PTPN14: variants seen among roughly 807,000 people sequenced by gnomAD.
PTPN14 encodes the protein tyrosine-protein phosphatase non-receptor type 14.
Under a neutral mutation model 126.8 loss-of-function variants are expected in PTPN14, and 53 were observed. The ratio of observed to expected loss-of-function variants is 0.42; its 90% CI spans 0.34 to 0.53. PTPN14 has a LOEUF of 0.53. Among genes scored for constraint, PTPN14 ranks in the 20% least tolerant of loss-of-function variants. The pLI, the probability that PTPN14 is intolerant of heterozygous loss-of-function variation, is 0.08. For missense variants in PTPN14, 1,257 were observed against 1,552.9 expected (o/e 0.81, Z 3.20); for synonymous variants, 630 against 599.3 (o/e 1.05, Z -0.75).
chr1:214,489,501 C>A (rs1266584454), intron 1 of PTPN14, among the ~76,000 whole-genome samples: 1 of 152,148 alleles, frequency 6.6e-6, no homozygotes, highest in Non-Finnish European at 1.5e-5. Flanking sequence ...CCAGTCAACT[C>A]CTATTTGTCT....
chr1:214,450,300 C>T (rs1660245514), intron 3 of PTPN14, among the ~76,000 whole-genome samples: 1 of 151,362 alleles, frequency 6.6e-6, no homozygotes, highest in Non-Finnish European at 1.5e-5. Flanking sequence ...GGTGAAACCC[C>T]GTCTCTACCA....
At chr1:214,396,929 G>A (rs991009058) in intron 8 of PTPN14, among the ~76,000 whole-genome samples, 2 of 152,152 alleles carry the variant, frequency 1.3e-5, no homozygotes, top group African/African-American at 4.8e-5. Context: ...ATACTTTGTG[G>A]CAGATATATG....
intron 1 of PTPN14, among the ~76,000 whole-genome samples, chr1:214,517,488 A>T (rs79095698): frequency 3.9e-5 from 3 of 77,684 alleles, no homozygotes; most frequent in African/African-American, 2.4e-4. Flanking sequence ...GCATAATATT[A>T]AAAAAAAAAA....
rs777351477 is a variant in PTPN14 at position 214,464,704 on chromosome 1, C to T, written c.100G>A (p.Glu34Lys). ...RIRLLDSNVI[E>K]CTLSVESTGQ... is the part of the protein sequence containing the mutation. ...GTGCTTTCCACCGACAGCGTGCACT[C>T]GATAACATTGCTGTCCAGCAGGCGA... is the stretch of plus-strand genomic sequence containing the variant. Residue 34 changes from glutamate to lysine, a missense_variant, in exon 2 of 19, where the codon GAG becomes AAG. Physicochemically the swap from Glu to Lys is moderately conservative, Grantham distance 56 (BLOSUM62 1). Around this residue, in one of 3 missense-constraint regions of PTPN14, gnomAD observed 1,021 missense variants for 1,183.3 expected, o/e 0.86. Coordinates refer to ENST00000366956, the MANE Select transcript of PTPN14 (RefSeq NM_005401.5). The T allele has an allele frequency of 2.9e-5, 47 of 1,614,158 alleles. No homozygotes were observed. Among genetic ancestry groups the T allele is most frequent in the Admixed American group, 2.8e-4 (17 of 60,014 alleles).
At chr1:214,457,576 T>G (rs1021591394) in intron 2 of PTPN14, among the ~76,000 whole-genome samples, 1 of 152,174 alleles carries the variant, frequency 6.6e-6, no homozygotes, top group Non-Finnish European at 1.5e-5. Flanking sequence ...TTAGGATGCT[T>G]ATACTCACTA....
intron 3 of PTPN14, among the ~76,000 whole-genome samples, chr1:214,437,322 G>A (rs1317537578): frequency 6.6e-6 from 1 of 151,986 alleles, no homozygotes; most frequent in African/African-American, 2.4e-5. Flanking sequence ...AATTCAATCT[G>A]TAACTTCAAA....
chr1:214,486,006 G>A (rs534434136), intron 1 of PTPN14, among the ~76,000 whole-genome samples: 5 of 152,246 alleles, frequency 3.3e-5, no homozygotes, highest in South Asian at 2.1e-4. Context: ...GATTACAGGC[G>A]TGAGCCACCG....
At position 214,382,357 on chromosome 1, in the gene PTPN14, T is replaced by C. The variant is rs748305704; in HGVS notation, c.2544+954A>G. Among the ~76,000 whole-genome samples the C allele has an allele frequency of 4.3e-4, 65 of 152,224 alleles. 1 individual carries two copies. The highest frequency in any genetic ancestry group is 1.0e-4 in the Non-Finnish European group (7 of 68,040). ...TTTTTAAAGCGATGAGGTTTAGTCC[T>C]GTCATCCAGGCTGGAGTGCAGTGGC... On this transcript the variant is annotated intron_variant, in intron 13 of 18. Transcript: ENST00000366956.
At chr1:214,443,939 G>A (rs17022962) in intron 3 of PTPN14, among the ~76,000 whole-genome samples, 5,252 of 152,244 alleles carry the variant, frequency 0.034, 288 homozygotes, top group African/African-American at 0.12. Context: ...TCAAATACAC[G>A]GAAATGAAAT....
intron 13 of PTPN14, among the ~76,000 whole-genome samples, chr1:214,382,468 C>T (rs1658496821): frequency 6.6e-6 from 1 of 152,122 alleles, no homozygotes; most frequent in South Asian, 2.1e-4. Flanking sequence ...ACTACAGGCT[C>T]CTGCCATCAT....
chr1:214,371,273 C>T (rs1658211991), intron 16 of PTPN14, among the ~76,000 whole-genome samples: 4 of 152,124 alleles, frequency 2.6e-5, no homozygotes, highest in Admixed American at 2.6e-4. Context: ...AAAATTTTCT[C>T]CCTTGAATTT....
intron 2 of PTPN14, among the ~76,000 whole-genome samples, chr1:214,459,145 T>C (rs1660450564): frequency 1.7e-5 from 1 of 57,528 alleles, no homozygotes; most frequent in Non-Finnish European, 3.3e-5. Context: ...CCCACTCTTT[T>C]CTTCTTTTTT....
chr1:214,504,081 T>C (rs1469196237), intron 1 of PTPN14, among the ~76,000 whole-genome samples: 1 of 152,122 alleles, frequency 6.6e-6, no homozygotes, highest in Non-Finnish European at 1.5e-5. Context: ...CACTTTCCCA[T>C]TCCTCCCCAA....
At chr1:214,516,623 T>TA (rs1256064018) in intron 1 of PTPN14, among the ~76,000 whole-genome samples, 1 of 152,164 alleles carries the variant, frequency 6.6e-6, no homozygotes, top group East Asian at 1.9e-4. Context: ...TACCTACTAC[T>TA]AACAGCTTAC....
chr1:214,453,794 C>A (rs944025031), intron 2 of PTPN14, among the ~76,000 whole-genome samples: 3 of 152,046 alleles, frequency 2.0e-5, no homozygotes, highest in African/African-American at 7.2e-5. Context: ...AAGGTAGAAG[C>A]TGGAACATCT....
chr1:214,511,329 A>T (rs1654968405), intron 1 of PTPN14, among the ~76,000 whole-genome samples: 1 of 152,198 alleles, frequency 6.6e-6, no homozygotes, highest in African/African-American at 2.4e-5. Flanking sequence ...ACTCACACTT[A>T]AATTGTGTGA....
intron 1 of PTPN14, among the ~76,000 whole-genome samples, chr1:214,481,125 T>G (rs1390925518): frequency 6.6e-6 from 1 of 152,214 alleles, no homozygotes; most frequent in Non-Finnish European, 1.5e-5. Context: ...GATTTTTTTG[T>G]GTAAAGATTA....
At chr1:214,427,255 C>T (rs1360256541) in intron 3 of PTPN14, among the ~76,000 whole-genome samples, 6 of 114,750 alleles carry the variant, frequency 5.2e-5, no homozygotes, top group Admixed American at 2.6e-4. Context: ...TCCAGCTTGG[C>T]GACAGAGTGA....
chr1:214,448,490 C>T (rs1246963699), intron 3 of PTPN14, among the ~76,000 whole-genome samples: 3 of 151,778 alleles, frequency 2.0e-5, no homozygotes, highest in African/African-American at 7.3e-5. Flanking sequence ...GTGATCCGCC[C>T]GCCTCGGTCT....
Sources: gnomAD v4.1 joint callset for allele counts (sites outside exome capture counted in the v4.1 genomes callset) on GRCh38, gnomAD v4.1.1 for gene constraint, gnomAD v4.1.1 regional missense constraint, MANE v1.5 for transcripts, NCBI Gene and HGNC (gene_info 2026-07-23, HGNC 2026-07-21) for gene names.